The following SEC14L1 variants were observed in gnomAD, a reference collection of about 807,000 sequenced individuals.
SEC14L1 encodes SEC14 like lipid binding 1.
Under a neutral mutation model 85.3 loss-of-function variants are expected in SEC14L1, and 48 were observed. The observed-to-expected ratio is 0.56, with a 90% confidence interval of 0.45 to 0.72. The LOEUF (loss-of-function observed/expected upper bound fraction) is 0.72. Ranked by LOEUF, SEC14L1 falls within the 30% of genes least tolerant of loss-of-function variation. The pLI is 0.00. For synonymous variants in SEC14L1, 391 were observed against 355.5 expected (o/e 1.10, Z -1.12); for missense variants, 682 against 921.4 (o/e 0.74, Z 3.36).
chr17:77,161,291 A>G (rs1056326759), intron 3 of SEC14L1, among the ~76,000 whole-genome samples: 1 of 152,234 alleles, frequency 6.6e-6, no homozygotes, highest in African/African-American at 2.4e-5. Context: ...GTTTGAGGCC[A>G]GTCTGGCCAA....
chr17:77,150,689 T>C (rs1973515747), intron 3 of SEC14L1, among the ~76,000 whole-genome samples: 2 of 152,178 alleles, frequency 1.3e-5, no homozygotes, highest in Non-Finnish European at 2.9e-5. Context: ...GTGCCCATGT[T>C]GGGCAGCTGT....
chr17:77,186,859 A>G (rs1486508062), intron 3 of SEC14L1, among the ~76,000 whole-genome samples: 1 of 152,246 alleles, frequency 6.6e-6, no homozygotes, highest in East Asian at 1.9e-4. Context: ...TGTCAGAAGT[A>G]AAATCAAAGC....
rs1191685793 is a variant in SEC14L1 at position 77,215,174 on chromosome 17, G to A, written c.*1151G>A. The A allele has an allele frequency of 6.2e-5, 61 of 985,302 alleles. No homozygotes were observed. The highest frequency in any genetic ancestry group is 7.0e-5 in the Non-Finnish European group (58 of 829,988). The allele number at this position is 985,302 out of a possible 1,614,324, so 61.0% of individuals were successfully genotyped here. ...GAGTAATGAAGGAATCTTCACAGAA[G>A]CAAATCAGAATATGGGATTTGTTTG... is the stretch of plus-strand genomic sequence containing the variant. On this transcript the variant is annotated 3_prime_UTR_variant, in exon 17 of 17. Transcript: ENST00000436233.
intron 3 of SEC14L1, among the ~76,000 whole-genome samples, chr17:77,121,028 C>A (rs1265369557): frequency 6.6e-6 from 1 of 152,186 alleles, no homozygotes; most frequent in Admixed American, 6.5e-5. Flanking sequence ...GCTGCCTAAT[C>A]CGGGTGAGGT....
At chr17:77,150,958 C>G (rs2143567911) in intron 3 of SEC14L1, among the ~76,000 whole-genome samples, 1 of 152,288 alleles carries the variant, frequency 6.6e-6, no homozygotes, top group African/African-American at 2.4e-5. Context: ...CAGAGCATGT[C>G]TTCTTTCTCT....
intron 3 of SEC14L1, chr17:77,128,056 G>A (rs1340075297): frequency 1.3e-5 from 2 of 152,264 alleles, no homozygotes; most frequent in Admixed American, 6.5e-5. Flanking sequence ...GTGAGAGAAT[G>A]AGTTTCTGTT....
chr17:77,186,431 CCT>C (rs1196152674), intron 3 of SEC14L1, among the ~76,000 whole-genome samples: 19 of 152,268 alleles, frequency 1.2e-4, no homozygotes, highest in African/African-American at 4.6e-4. Flanking sequence ...CCCCACGCTG[CCT>C]CTCCACGCAG....
chr17:77,143,094 A>T (rs1459032887), intron 2 of SEC14L1, among the ~76,000 whole-genome samples: 1 of 143,220 alleles, frequency 7.0e-6, no homozygotes, highest in Non-Finnish European at 1.6e-5. Flanking sequence ...ATAGTTTGAG[A>T]TACAGTAGTA....
intron 9 of SEC14L1, among the ~76,000 whole-genome samples, chr17:77,203,274 C>T (rs960309603): frequency 4.6e-5 from 7 of 152,176 alleles, no homozygotes; most frequent in African/African-American, 9.7e-5. Context: ...TTATGCAGCT[C>T]GAGCTGAGTG....
At chr17:77,211,840 T>G (rs1020627779) in intron 14 of SEC14L1, 110 bp from the exon 15 acceptor site, 10 of 1,416,000 alleles carry the variant, frequency 7.1e-6, no homozygotes, top group Non-Finnish European at 9.6e-6. Flanking sequence ...AGCGTTTCCC[T>G]CCCCAGCTTC....
At chr17:77,106,923 G>C (rs1461937386) in intron 3 of SEC14L1, among the ~76,000 whole-genome samples, 1 of 152,198 alleles carries the variant, frequency 6.6e-6, no homozygotes, top group Non-Finnish European at 1.5e-5. Context: ...TTTCTTTGCT[G>C]TTCACCTTGC....
At chr17:77,116,049 G>A (rs1009417450) in intron 3 of SEC14L1, among the ~76,000 whole-genome samples, 7 of 151,740 alleles carry the variant, frequency 4.6e-5, no homozygotes, top group African/African-American at 1.7e-4. Flanking sequence ...CTCCTAAATA[G>A]TTGGGACTAC....
intron 7 of SEC14L1, among the ~76,000 whole-genome samples, chr17:77,195,512 A>T (rs535724367): frequency 6.6e-6 from 1 of 151,424 alleles, no homozygotes; most frequent in Non-Finnish European, 1.5e-5. Flanking sequence ...TTTTTGAGAT[A>T]AAAAAGTCTC....
chr17:77,166,543 A>G (rs780326637), intron 3 of SEC14L1, among the ~76,000 whole-genome samples: 1 of 152,182 alleles, frequency 6.6e-6, no homozygotes, highest in Admixed American at 6.5e-5. Context: ...TCATGGAAAG[A>G]TGAGACCTAT....
intron 3 of SEC14L1, among the ~76,000 whole-genome samples, chr17:77,101,421 G>A (rs553499335): frequency 4.6e-5 from 7 of 151,976 alleles, no homozygotes; most frequent in South Asian, 4.2e-4. Flanking sequence ...CAGGTGACCC[G>A]CCCACCTCAG....
chr17:77,156,288 T>C (rs536668084), intron 3 of SEC14L1, among the ~76,000 whole-genome samples: 1 of 152,196 alleles, frequency 6.6e-6, no homozygotes, highest in Non-Finnish European at 1.5e-5. Flanking sequence ...AAAAATAGAT[T>C]TCTCGGCCAG....
chr17:77,177,412 A>T (rs1414692449), intron 3 of SEC14L1, among the ~76,000 whole-genome samples: 2 of 150,668 alleles, frequency 1.3e-5, no homozygotes, highest in Non-Finnish European at 2.9e-5. Flanking sequence ...TTTGAATTTC[A>T]TTTGAAAGCT....
At chr17:77,100,775 C>T (rs2585851) in intron 3 of SEC14L1, among the ~76,000 whole-genome samples, 131,277 of 152,112 alleles carry the variant, frequency 0.86, 56,969 homozygotes, top group African/African-American at 0.96. Flanking sequence ...TCTTCCCACA[C>T]TTCCTGGTGG....
intron 3 of SEC14L1, among the ~76,000 whole-genome samples, chr17:77,151,290 C>T (rs754074267): frequency 3.3e-5 from 5 of 152,116 alleles, no homozygotes; most frequent in African/African-American, 4.8e-5. Flanking sequence ...AATGCCATCG[C>T]GTGAGTCCTA....
Sources: allele counts gnomAD v4.1 joint callset (sites outside exome capture counted in the v4.1 genomes callset), GRCh38; gene constraint gnomAD v4.1.1; transcripts MANE v1.5; gene names NCBI Gene and HGNC (gene_info 2026-07-23, HGNC 2026-07-21).